IDUA: variants seen among roughly 807,000 people sequenced by gnomAD.
IDUA encodes alpha-L-iduronidase, also known as iduronidase alpha-L-.
A neutral mutation model predicts 68.9 loss-of-function variants in IDUA; 65 were observed. The ratio of observed to expected loss-of-function variants is 0.94; its 90% CI spans 0.77 to 1.16. IDUA has a LOEUF of 1.16. Ranked by LOEUF, IDUA falls within the 50% of genes most tolerant of loss-of-function variation. The pLI is 0.00. For synonymous variants in IDUA, 529 were observed against 433.6 expected, an observed-to-expected ratio of 1.22 and a Z score of -2.73; for missense variants, 1,046 against 938.0, an observed-to-expected ratio of 1.12 and a Z score of -1.50.
chr4:997,502 C>T lies in IDUA; in HGVS notation c.300-3110C>T, dbSNP rs574118072. ...ACGCGCTCGGGCCCAGGGGCGGGGA[C>T]GTGGGGACCCGGGCGGCCGCTCAGC... On this transcript the variant is annotated intron_variant, in intron 2 of 13. Coordinates refer to ENST00000514224, the MANE Select transcript of IDUA (RefSeq NM_000203.5). Among the ~76,000 whole-genome samples, 19 of 150,982 alleles carry T rather than the reference C, an allele frequency of 1.3e-4. No individual in the cohort carries two copies. In the South Asian group the frequency reaches 3.7e-3, roughly 30 times the overall value.
chr4:1,002,717 C>A lies in IDUA; in HGVS notation c.1190-15C>A. 2 of 1,427,832 alleles carry A rather than the reference C, an allele frequency of 1.4e-6. No individual in the cohort carries two copies. Among genetic ancestry groups the A allele is most frequent in the Non-Finnish European group, 1.9e-6 (2 of 1,073,122 alleles). 88.4% of individuals were successfully genotyped at this position (1,427,832 alleles called of 1,614,324 possible). On this transcript the variant is annotated splice_polypyrimidine_tract_variant and intron_variant, in intron 8 of 13. Coordinates refer to ENST00000514224, the MANE Select transcript of IDUA (RefSeq NM_000203.5). ...CAACGACCCCACGCGGCGACGGCCC[C>A]CCCCCGCCCCGCAGATGAGGAGCAG...
intron 1 of IDUA, chr4:987,524 C>T: frequency 1.1e-6 from 1 of 950,802 alleles, no homozygotes; most frequent in Non-Finnish European, 1.5e-6. Flanking sequence ...GCAGCGGGAC[C>T]TGGCCTGCCT....
rs567811213 is a variant in IDUA at position 990,975 on chromosome 4, C to T, written c.299+3026C>T. On this transcript the variant is annotated intron_variant, in intron 2 of 13. Coordinates refer to ENST00000514224, the MANE Select transcript of IDUA (RefSeq NM_000203.5). ...CGTCGGTGCCTCGCCCTGGGATGCCCCGGCACGCCCCAGCTCTGCCCAAGC... is the reference window on the plus strand; with the variant it reads ...CGTCGGTGCCTCGCCCTGGGATGCCTCGGCACGCCCCAGCTCTGCCCAAGC... 3.9e-5 allele frequency among the ~76,000 whole-genome samples: 6 copies of T among 152,320 alleles called. No individual in the cohort carries two copies. The South Asian group carries it at 1.2e-3, about 32-fold the overall frequency.
rs1715138318 is a variant in IDUA, at chr4:1,002,314, G to C, written c.1018G>C (p.Ala340Pro). ...QNLLLANTTS[A>P]FPYALLSNDN... ...CCTGCTACTGGCCAACACCACCTCCGCCTTCCCCTACGCGCTCCTGAGCAA... is the reference window on the plus strand; with the variant it reads ...CCTGCTACTGGCCAACACCACCTCCCCCTTCCCCTACGCGCTCCTGAGCAA... Residue 340 changes from alanine to proline, a missense_variant, in exon 8 of 14, where the codon GCC becomes CCC. Physicochemically the swap from Ala to Pro is conservative, Grantham distance 27 (BLOSUM62 -1). Transcript: ENST00000514224. The C allele has an allele frequency of 1.2e-6, 2 of 1,612,958 alleles. No individual in the cohort carries two copies. Among genetic ancestry groups the C allele is most frequent in the Non-Finnish European group, 1.7e-6 (2 of 1,179,690 alleles).
intron 2 of IDUA, chr4:988,390 ACAGAGACC>A (rs750133224): frequency 2.8e-6 from 3 of 1,053,928 alleles, no homozygotes; most frequent in Non-Finnish European, 3.4e-6. Flanking sequence ...TTCTGGAAAC[ACAGAGACC>A]CTCGTGCACT....
chr4:1,001,456 G>C lies in IDUA; in HGVS notation c.494-12G>C, dbSNP rs761396518. The C allele has an allele frequency of 2.5e-6, 4 of 1,611,242 alleles. No homozygotes were observed. Among genetic ancestry groups the C allele is most frequent in the Admixed American group, 3.3e-5 (2 of 60,024 alleles). On this transcript the variant is annotated splice_polypyrimidine_tract_variant and intron_variant, in intron 4 of 13. Coordinates refer to ENST00000514224, the MANE Select transcript of IDUA (RefSeq NM_000203.5). ...TCACCTGTGCTGGGGGGACAGCAAG[G>C]CTCCTCTGCAGGTAGGTACGGACTG...
At position 1,002,263 on chromosome 4, in the gene IDUA, C is replaced by T; in HGVS notation, c.973-6C>T. The stretch of plus-strand genomic sequence containing the variant: ...ACCCGGTCCCAGCTGCCCTGGACAC[C>T]CGCAGGTCATCGCGCAGCATCAGAA... On this transcript the variant is annotated splice_region_variant and splice_polypyrimidine_tract_variant and intron_variant, in intron 7 of 13. Coordinates refer to ENST00000514224, the MANE Select transcript of IDUA (RefSeq NM_000203.5). 1.2e-6 allele frequency: 2 copies of T among 1,608,904 alleles called. No individual in the cohort carries two copies. Among genetic ancestry groups the T allele is most frequent in the East Asian group, 2.2e-5 (1 of 44,610 alleles).
Position 1,000,904 on chromosome 4 carries a change from C to G in IDUA, c.408C>G (p.Ala136=), listed in dbSNP as rs138195998. The G allele has an allele frequency of 1.2e-6, 2 of 1,613,386 alleles. No homozygotes were observed. The highest frequency in any genetic ancestry group is 4.5e-5 in the East Asian group (2 of 44,886). ...CAGGGTTTGAGCTGATGGGCAGCGCCTCGGGCCACTTCACTGACTTTGAGG... is the reference window on the plus strand; with the variant it reads ...CAGGGTTTGAGCTGATGGGCAGCGCGTCGGGCCACTTCACTGACTTTGAGG... ...LLPGFELMGS[A]SGHFTDFEDK... is the part of the protein sequence containing the mutation. Residue 136 remains alanine, a synonymous_variant, in exon 4 of 14, where the codon GCC becomes GCG. Transcript: ENST00000514224.
intron 2 of IDUA, chr4:988,198 C>G: frequency 7.4e-7 from 1 of 1,360,188 alleles, no homozygotes; most frequent in Non-Finnish European, 9.5e-7. Context: ...CCGCACCTGG[C>G]TCCTGGTGCA....
intron 5 of IDUA, 39 bp from the exon 6 acceptor site, chr4:1,001,640 C>A: frequency 6.2e-7 from 1 of 1,606,178 alleles, no homozygotes. Context: ...AGCCGCTCAT[C>A]CCCAGGGCAG....
intron 2 of IDUA, among the ~76,000 whole-genome samples, chr4:995,636 G>A (rs1203891548): frequency 6.6e-6 from 1 of 152,266 alleles, no homozygotes; most frequent in African/African-American, 2.4e-5. Flanking sequence ...TTGAAGCCGA[G>A]GGTCTCGCAG....
rs990985276 is a variant in IDUA, at chr4:987,208, C to T, written c.124C>T (p.Pro42Ser). ...TGTGGACGCGGCCCGCGCGCTGTGG[C>T]CCCTGCGGCGCTTCTGGAGGAGCAC... ...VHVDAARALWPLRRFWRSTGF... is the reference protein window; with the variant it reads ...VHVDAARALWSLRRFWRSTGF... The change falls in exon 1 of 14, where the codon CCC becomes TCC. Residue 42 changes from proline to serine, a missense_variant. Physicochemically the swap from Pro to Ser is moderately conservative, Grantham distance 74. Transcript: ENST00000514224. The T allele has an allele frequency of 4.7e-6, 7 of 1,491,636 alleles. No individual in the cohort carries two copies. The African/African-American group carries it at 7.3e-5, about 16-fold the overall frequency. 92.4% of individuals were successfully genotyped at this position (1,491,636 alleles called of 1,614,324 possible).
chr4:1,000,929 G>T lies in IDUA; in HGVS notation c.433G>T (p.Asp145Tyr). Residue 145 changes from aspartate (D) to tyrosine (Y), a missense_variant, in exon 4 of 14, where the codon GAC (aspartate) becomes TAC (tyrosine). By Grantham distance (160) the Asp-to-Tyr change is radical (BLOSUM62 -3). Coordinates refer to ENST00000514224, the MANE Select transcript of IDUA (RefSeq NM_000203.5). Reference protein sequence around the residue: ...SASGHFTDFEDKQQVFEWKDL... With the variant: ...SASGHFTDFEYKQQVFEWKDL... ...CTCGGGCCACTTCACTGACTTTGAG[G>T]ACAAGCAGCAGGTGTTTGAGTGGAA... is the stretch of plus-strand genomic sequence containing the variant. 1 of 1,613,562 alleles carries T rather than the reference G, an allele frequency of 6.2e-7. No individual in the cohort carries two copies. The highest frequency in any genetic ancestry group is 1.1e-5 in the South Asian group (1 of 91,084).
rs764919689 is a variant in IDUA, at chr4:1,003,030, C to G, written c.1403-6C>G. 80 of 1,489,318 alleles carry G rather than the reference C, an allele frequency of 5.4e-5. 1 individual carries two copies. The Middle Eastern group carries it at 8.7e-4, about 16-fold the overall frequency. The allele number at this position is 1,489,318 out of a possible 1,614,324, so 92.3% of individuals were successfully genotyped here. A position where few individuals can be genotyped will look rare whatever the true frequency, so the allele number is the denominator to read the frequency against. ...GGAGCCGAGGCCTGAGTGTCAGGCC[C>G]CGCAGGCCTGGTCTACGTCACGCGC... is the stretch of plus-strand genomic sequence containing the variant. On this transcript the variant is annotated splice_polypyrimidine_tract_variant and splice_region_variant and intron_variant, in intron 9 of 13. Transcript: ENST00000514224.
Position 1,002,089 on chromosome 4 carries a change from G to A in IDUA, c.900G>A (p.Ala300=), listed in dbSNP as rs1715120552. The part of the protein sequence containing the change: ...FADTPIYNDE[A]DPLVGWSLPQ... ...ACACCCCCATTTACAACGACGAGGC[G>A]GACCCGCTGGTGGGCTGGTCCCTGC... The change falls in exon 7 of 14, where the codon GCG becomes GCA. Residue 300 remains alanine (A), a synonymous_variant. Transcript: ENST00000514224. 1.9e-6 allele frequency: 3 copies of A among 1,578,274 alleles called. No homozygotes were observed. Among genetic ancestry groups the A allele is most frequent in the Non-Finnish European group, 2.6e-6 (3 of 1,163,264 alleles).
intron 2 of IDUA, among the ~76,000 whole-genome samples, chr4:994,111 G>C (rs1025812374): frequency 6.6e-6 from 1 of 152,174 alleles, no homozygotes; most frequent in Non-Finnish European, 1.5e-5. Context: ...ACTAAATTAG[G>C]CCCACACGTG....
rs772416503 is a variant in IDUA, at chr4:1,003,120, C to G, written c.1487C>G (p.Pro496Arg). Residue 496 changes from proline to arginine, a missense_variant, in exon 10 of 14, where the codon CCC (proline) becomes CGC (arginine). Pro to Arg is a moderately radical substitution (Grantham distance 103). Coordinates refer to ENST00000514224, the MANE Select transcript of IDUA (RefSeq NM_000203.5). ...CGGCGCCTGGGCCGGCCCGTCTTCC[C>G]CACGGCAGAGCAGTTCCGGCGCATG... ...EWRRLGRPVF[P>R]TAEQFRRMRA... The G allele has an allele frequency of 2.6e-6, 4 of 1,511,094 alleles. No homozygotes were observed. Among genetic ancestry groups the G allele is most frequent in the Non-Finnish European group, 3.5e-6 (4 of 1,137,936 alleles). The allele number at this position is 1,511,094 out of a possible 1,614,324, so 93.6% of individuals were successfully genotyped here.
intron 2 of IDUA, chr4:991,091 C>G: frequency 6.6e-7 from 1 of 1,512,754 alleles, no homozygotes; most frequent in Non-Finnish European, 8.8e-7. Context: ...GGGGGGGTGC[C>G]CTGGGCCCCT....
In IDUA at chr4:1,002,908, G is replaced by A; in HGVS notation, c.1366G>A (p.Val456Met). The change falls in exon 9 of 14, where the codon GTG becomes ATG. Residue 456 changes from valine to methionine, a missense_variant. By Grantham distance (21) the Val-to-Met change is conservative. Transcript: ENST00000514224. The part of the protein sequence containing the change: ...TRAHPNRSVA[V>M]TLRLRGVPPG... ...CGCCCACCCCAACCGCAGCGTCGCG[G>A]TGACCCTGCGGCTGCGCGGGGTGCC... is the stretch of plus-strand genomic sequence containing the variant. 2 of 1,398,168 alleles carry A rather than the reference G, an allele frequency of 1.4e-6. No individual in the cohort carries two copies. Among genetic ancestry groups the A allele is most frequent in the Admixed American group, 3.3e-5 (1 of 29,940 alleles). 86.6% of individuals were successfully genotyped at this position (1,398,168 alleles called of 1,614,324 possible).
Sources: allele counts gnomAD v4.1 joint callset (sites outside exome capture counted in the v4.1 genomes callset), GRCh38; gene constraint gnomAD v4.1.1; transcripts MANE v1.5; gene names NCBI Gene and HGNC (gene_info 2026-07-23, HGNC 2026-07-21).